The following PYHIN1 variants were observed in gnomAD, a reference collection of about 807,000 sequenced individuals.
PYHIN1 encodes the protein pyrin and HIN domain-containing protein 1.
PYHIN1 carries 32 observed loss-of-function variants against 43.7 expected under a neutral mutation model. That is an observed-to-expected ratio of 0.73 (90% CI 0.55 to 0.98). The LOEUF is 0.98. PYHIN1 is among the 50% of genes least tolerant of loss of function. The pLI is 0.00. For missense variants in PYHIN1, 588 were observed against 589.5 expected (o/e 1.00, Z 0.03); for synonymous variants, 205 against 203.1 (o/e 1.01, Z -0.08).
At chr1:158,956,349 C>T (rs1649930787) in intron 7 of PYHIN1, among the ~76,000 whole-genome samples, 1 of 152,144 alleles carries the variant, frequency 6.6e-6, no homozygotes, top group South Asian at 2.1e-4. Flanking sequence ...ATGCACAAAT[C>T]CTCAATAAAA....
chr1:158,943,766 CATG>C, intron 5 of PYHIN1, 21 bp from the exon 6 acceptor site: 1 of 1,568,672 alleles, frequency 6.4e-7, no homozygotes, highest in Non-Finnish European at 8.7e-7. Flanking sequence ...TTCTCACAAA[CATG>C]ATATTAATTT....
At position 158,945,043 on chromosome 1, in the gene PYHIN1, G is replaced by T. The variant is rs1649148501; in HGVS notation, c.1359+1G>T. On this transcript the variant is annotated splice_donor_variant, in intron 7 of 8. Transcript: ENST00000368140. LOFTEE classifies it high-confidence loss of function. ...CCCATCCAGCAGTTCCTTCACCAAG[G>T]TACAATATCCTGGGTCCCATGACTC... The T allele has an allele frequency of 6.2e-7, 1 of 1,610,534 alleles. No homozygotes were observed. The highest frequency in any genetic ancestry group is 8.5e-7 in the Non-Finnish European group (1 of 1,178,670).
chr1:158,952,775 T>G (rs1649636581), intron 7 of PYHIN1, among the ~76,000 whole-genome samples: 1 of 152,198 alleles, frequency 6.6e-6, no homozygotes, highest in Non-Finnish European at 1.5e-5. Context: ...CAGGAATAGC[T>G]CCCGTATACA....
At chr1:158,980,175 T>A (rs187641713), downstream of PYHIN1, among the ~76,000 whole-genome samples, 132 of 152,324 alleles carry the variant, frequency 8.7e-4, no homozygotes, top group African/African-American at 3.0e-3. Flanking sequence ...AATACTTTTA[T>A]AATTTCTTAT....
intron 7 of PYHIN1, among the ~76,000 whole-genome samples, chr1:158,948,207 G>T (rs552195077): frequency 1.0e-3 from 158 of 152,288 alleles, no homozygotes; most frequent in African/African-American, 3.6e-3. Context: ...AATATAATTA[G>T]CAGCATTCTT....
chr1:158,978,880 C>T (rs76949008), downstream of PYHIN1, among the ~76,000 whole-genome samples: 1 of 152,076 alleles, frequency 6.6e-6, no homozygotes, highest in African/African-American at 2.4e-5. Context: ...CTACTTGGGA[C>T]CACAAGTAGG....
At position 158,939,520 on chromosome 1, in the gene PYHIN1, A is replaced by T; in HGVS notation, c.579+273A>T. 5 of 1,550,556 alleles carry T rather than the reference A, an allele frequency of 3.2e-6. No individual in the cohort carries two copies. The South Asian group carries it at 5.9e-5, about 18-fold the overall frequency. ...ACTTTCAGCAACAGACTCACTGTCT[A>T]CTGCCCCCATCTATTATACACCCAT... On this transcript the variant is annotated intron_variant, in intron 4 of 8. Coordinates refer to ENST00000368140, the MANE Select transcript of PYHIN1 (RefSeq NM_152501.5).
At chr1:158,978,614 T>C (rs1341699282), downstream of PYHIN1, among the ~76,000 whole-genome samples, 3 of 152,156 alleles carry the variant, frequency 2.0e-5, no homozygotes, top group Non-Finnish European at 4.4e-5. Flanking sequence ...AATGGACCAC[T>C]CTTGAGTATG....
intron 4 of PYHIN1, chr1:158,939,888 T>C (rs1055987370): frequency 4.8e-6 from 1 of 210,118 alleles, no homozygotes; most frequent in East Asian, 1.1e-4. Flanking sequence ...GAGGGCCTAG[T>C]TCAGTGTCTG....
intron 2 of PYHIN1, 55 bp from the exon 3 acceptor site, chr1:158,938,342 G>A (rs1648688370): frequency 1.9e-6 from 3 of 1,590,430 alleles, no homozygotes; most frequent in African/African-American, 1.3e-5. Context: ...AAACTGCTTC[G>A]GGTGTCCCCG....
chr1:158,975,810 G>C (rs1651222196), intron 8 of PYHIN1, among the ~76,000 whole-genome samples: 1 of 152,070 alleles, frequency 6.6e-6, no homozygotes, highest in African/African-American at 2.4e-5. Flanking sequence ...TAGAGACATA[G>C]TTGTTAAAAC....
Position 158,958,755 on chromosome 1 carries a change from A to AT in PYHIN1, c.1359+13714dup, listed in dbSNP as rs555699235. ...CATGTACCCTAAAACATAAAGTATA[A>AT]TAAAAAAAAAGAAAAGAAAAAAAAT... On this transcript the variant is annotated intron_variant, in intron 7 of 8. Transcript: ENST00000368140. Among the ~76,000 whole-genome samples, 441 of 125,474 alleles carry AT rather than the reference A, an allele frequency of 3.5e-3. 3 individuals carry two copies. The highest frequency in any genetic ancestry group is 0.012 in the African/African-American group (414 of 33,296). The allele number at this position is 125,474 out of a possible 152,430, so 82.3% of individuals were successfully genotyped here.
intron 4 of PYHIN1, among the ~76,000 whole-genome samples, chr1:158,941,375 A>G (rs1265348697): frequency 6.6e-6 from 1 of 152,196 alleles, no homozygotes; most frequent in Non-Finnish European, 1.5e-5. Flanking sequence ...AATGGTGGTA[A>G]TGACACTCTG....
the PYHIN1 span, among the ~76,000 whole-genome samples, chr1:158,986,931 C>T: frequency 6.6e-6 from 1 of 152,196 alleles, no homozygotes; most frequent in African/African-American, 2.4e-5. Flanking sequence ...GGCCACTCTA[C>T]ACCTATTTCA....
rs182234894 is a variant in PYHIN1 at position 158,951,451 on chromosome 1, G to A, written c.1359+6409G>A. Among the ~76,000 whole-genome samples, 326 of 152,260 alleles carry A rather than the reference G, an allele frequency of 2.1e-3. 3 individuals are homozygous for A. The highest frequency in any genetic ancestry group is 4.8e-3 in the South Asian group (23 of 4,830). On this transcript the variant is annotated intron_variant, in intron 7 of 8. Coordinates refer to ENST00000368140, the MANE Select transcript of PYHIN1 (RefSeq NM_152501.5). ...TGCAATAAATAGAGTAAGCAGAATC[G>A]CTAACTATATTGATGGGCTGAGTGG...
Position 158,933,425 on chromosome 1 carries a change from A to G in PYHIN1, c.-21+1649A>G, listed in dbSNP as rs562519359. 6.6e-6 allele frequency among the ~76,000 whole-genome samples: 1 copy of G among 151,942 alleles called. No homozygotes were observed. Among genetic ancestry groups the G allele is most frequent in the East Asian group, 1.9e-4 (1 of 5,188 alleles). ...ACCTTTTACCATGTGGTATCTGATA[A>G]TACTCTTTGTCTTAAGATCTTTTAA... On this transcript the variant is annotated intron_variant, in intron 1 of 8. Transcript: ENST00000368140. This position sits in a 1 kb window ranked among gnomAD's most constrained non-coding sequence, Gnocchi z 6.3.
rs1268414757 is a variant in PYHIN1, at chr1:158,933,879, T to C, written c.-21+2103T>C. 6.6e-6 allele frequency among the ~76,000 whole-genome samples: 1 copy of C among 152,128 alleles called. No individual in the cohort carries two copies. The highest frequency in any genetic ancestry group is 1.9e-4 in the East Asian group (1 of 5,198). On this transcript the variant is annotated intron_variant, in intron 1 of 8. Transcript: ENST00000368140. This position sits in a 1 kb window ranked among gnomAD's most constrained non-coding sequence, Gnocchi z 6.3. ...TTCGTTTTTCATTCTTACTTGTCTT[T>C]TGGCCTGCAGCTTTTTAAAATTTTT... is the stretch of plus-strand genomic sequence containing the variant.
downstream of PYHIN1, chr1:158,977,076 T>C (rs1483686374): frequency 6.5e-6 from 1 of 153,616 alleles, no homozygotes; most frequent in Non-Finnish European, 1.4e-5. Context: ...TAGGAGTTTC[T>C]TTAATCTATC....
chr1:158,963,048 G>A (rs995778821), intron 7 of PYHIN1, among the ~76,000 whole-genome samples: 1 of 151,960 alleles, frequency 6.6e-6, no homozygotes, highest in African/African-American at 2.4e-5. Context: ...ACTCCTCAAC[G>A]AGCTGAGCCC....
Sources: gnomAD v4.1 joint callset for allele counts (sites outside exome capture counted in the v4.1 genomes callset) on GRCh38, gnomAD v4.1.1 for gene constraint, Gnocchi (gnomAD v3.1) non-coding constraint, MANE v1.5 for transcripts, NCBI Gene and HGNC (gene_info 2026-07-23, HGNC 2026-07-21) for gene names.